DEPDC4: variants seen among roughly 807,000 people sequenced by gnomAD.
DEPDC4 encodes the protein DEP domain-containing protein 4.
In DEPDC4, 52 loss-of-function variants were observed where a neutral mutation model predicts 52.0. The observed-to-expected ratio is 1.00, with a 90% CI of 0.80 to 1.26. The LOEUF (loss-of-function observed/expected upper bound fraction) is 1.26. Ranked by LOEUF, DEPDC4 falls within the 50% of genes most tolerant of loss-of-function variation. The pLI, the probability that DEPDC4 is intolerant of heterozygous loss-of-function variation, is 0.00. For missense variants in DEPDC4, 530 were observed against 546.9 expected, an observed-to-expected ratio of 0.97 and a Z score of 0.31; for synonymous variants, 201 against 196.8, an observed-to-expected ratio of 1.02 and a Z score of -0.18.
At chr12:100,238,537 T>TG (rs1294652123), downstream of DEPDC4, among the ~76,000 whole-genome samples, 2 of 137,104 alleles carry the variant, frequency 1.5e-5, no homozygotes, top group African/African-American at 5.6e-5. Context: ...CCCAGGCTGG[T>TG]GTGCAGTGGC....
upstream of DEPDC4, among the ~76,000 whole-genome samples, chr12:100,268,622 C>CT (rs1398876862): frequency 1.3e-5 from 2 of 152,108 alleles, no homozygotes; most frequent in Non-Finnish European, 2.9e-5. Context: ...TATTTTGTCT[C>CT]TAAGATTCAT....
intron 8 of DEPDC4, among the ~76,000 whole-genome samples, chr12:100,244,964 C>T (rs1313023035): frequency 1.3e-5 from 2 of 151,524 alleles, no homozygotes; most frequent in Admixed American, 1.3e-4. Context: ...CTCTGCCTCC[C>T]GGGTTCAAGC....
intron 7 of DEPDC4, among the ~76,000 whole-genome samples, chr12:100,249,835 G>C (rs76395155): frequency 6.6e-6 from 1 of 152,114 alleles, no homozygotes; most frequent in South Asian, 2.1e-4. Context: ...TCAAGTTCCC[G>C]AATTTATGGG....
intron 8 of DEPDC4, among the ~76,000 whole-genome samples, chr12:100,244,177 GGTTTGTTTGTTT>G (rs1186786881): frequency 7.6e-6 from 1 of 130,726 alleles, no homozygotes; most frequent in Admixed American, 8.4e-5. Flanking sequence ...ATGGTTTTTT[GGTTTGTTTGTTT>G]GTTTGTTTTG....
chr12:100,263,400 G>T, intron 2 of DEPDC4, 97 bp downstream of exon 2: 19 of 1,018,432 alleles, frequency 1.9e-5, no homozygotes, highest in Middle Eastern at 3.3e-4. Flanking sequence ...TTTTTTAATT[G>T]GCTTCTGAAA....
chr12:100,268,396 G>A (rs150425463), upstream of DEPDC4, among the ~76,000 whole-genome samples: 37 of 152,236 alleles, frequency 2.4e-4, 1 homozygote, highest in African/African-American at 8.4e-4. Flanking sequence ...GGACTTTGCA[G>A]GTTTGTTGTT....
chr12:100,244,250 G>A (rs372502368), intron 8 of DEPDC4, among the ~76,000 whole-genome samples: 30 of 150,216 alleles, frequency 2.0e-4, no homozygotes, highest in East Asian at 2.0e-3. Flanking sequence ...GCGCGATCTC[G>A]GCTCACTGCA....
At chr12:100,279,448 A>G in the DEPDC4 span, among the ~76,000 whole-genome samples, 5 of 152,214 alleles carry the variant, frequency 3.3e-5, no homozygotes, top group Non-Finnish European at 5.9e-5. Flanking sequence ...CTACTGTTGT[A>G]TAAGTCACAT....
chr12:100,236,119 T>G (rs779208740), downstream of DEPDC4, among the ~76,000 whole-genome samples: 8 of 152,234 alleles, frequency 5.3e-5, no homozygotes, highest in Non-Finnish European at 1.2e-4. Flanking sequence ...TGGTTCCGTA[T>G]TTTTGCAATT....
chr12:100,264,141 T>C (rs1292674167), intron 1 of DEPDC4, among the ~76,000 whole-genome samples: 1 of 152,220 alleles, frequency 6.6e-6, no homozygotes, highest in African/African-American at 2.4e-5. Context: ...TATGAATTTA[T>C]ATACCCTTAT....
At chr12:100,267,135 C>A, upstream of DEPDC4, 1 of 1,574,070 alleles carries the variant, frequency 6.4e-7, no homozygotes, top group Non-Finnish European at 8.6e-7. Flanking sequence ...CTCTTCCGAA[C>A]CGGCAGGAAG....
chr12:100,273,931 G>A, the DEPDC4 span, among the ~76,000 whole-genome samples: 1 of 152,168 alleles, frequency 6.6e-6, no homozygotes, highest in Admixed American at 6.5e-5. Context: ...CAGCGTTAGA[G>A]GAATAGATAT....
intron 4 of DEPDC4, among the ~76,000 whole-genome samples, chr12:100,255,281 G>T (rs1223165539): frequency 6.6e-6 from 1 of 152,216 alleles, no homozygotes; most frequent in Admixed American, 6.5e-5. Context: ...AGGGCAGGAA[G>T]ACTCAGCCCT....
At chr12:100,238,532 G>C (rs1008814118), downstream of DEPDC4, among the ~76,000 whole-genome samples, 2 of 138,828 alleles carry the variant, frequency 1.4e-5, no homozygotes, top group Non-Finnish European at 3.0e-5. Flanking sequence ...TTTTGCCCAG[G>C]CTGGTGTGCA....
At chr12:100,244,350 T>G (rs896379415) in intron 8 of DEPDC4, among the ~76,000 whole-genome samples, 9 of 150,782 alleles carry the variant, frequency 6.0e-5, no homozygotes, top group Non-Finnish European at 1.3e-4. Flanking sequence ...CAGGCTAATT[T>G]TTTTGTATTT....
chr12:100,260,978 C>T lies in DEPDC4; in HGVS notation c.700+1286G>A, dbSNP rs569246164. On this transcript the variant is annotated intron_variant, in intron 3 of 9. Coordinates refer to ENST00000550587, the MANE Select transcript of DEPDC4 (RefSeq NM_001364818.2). The stretch of plus-strand genomic sequence containing the variant: ...GGTGGATCACTTGAGGTCAGGAGTT[C>T]GAGACCAACCTGGCCAACATGGTGA... Among the ~76,000 whole-genome samples, 5 of 152,044 alleles carry T rather than the reference C, an allele frequency of 3.3e-5. No individual in the cohort carries two copies. In the East Asian group the frequency reaches 7.8e-4, roughly 24 times the overall value.
At chr12:100,247,211 T>G (rs934203353) in intron 8 of DEPDC4, among the ~76,000 whole-genome samples, 1 of 134,564 alleles carries the variant, frequency 7.4e-6, no homozygotes, top group Non-Finnish European at 1.6e-5. Flanking sequence ...GTTTTTTTTT[T>G]TTTTTTTTTT....
chr12:100,281,853 A>C, the DEPDC4 span, among the ~76,000 whole-genome samples: 1 of 151,980 alleles, frequency 6.6e-6, no homozygotes, highest in Non-Finnish European at 1.5e-5. Context: ...AAAAAAAAGA[A>C]AGTACAAATT....
chr12:100,239,451 T>C (rs532205769), downstream of DEPDC4, among the ~76,000 whole-genome samples: 88 of 152,034 alleles, frequency 5.8e-4, no homozygotes, highest in African/African-American at 1.8e-3. Flanking sequence ...TCATGGCTCA[T>C]TGAAACCTTG....
Sources: allele counts gnomAD v4.1 joint callset (sites outside exome capture counted in the v4.1 genomes callset), GRCh38; gene constraint gnomAD v4.1.1; transcripts MANE v1.5; gene names NCBI Gene and HGNC (gene_info 2026-07-23, HGNC 2026-07-21).